The following ZNF248 variants were observed in gnomAD, a reference collection of about 807,000 sequenced individuals.
ZNF248 encodes the protein KRAB protein domain.
A neutral mutation model predicts 44.3 loss-of-function variants in ZNF248; 20 were observed. The ratio of observed to expected loss-of-function variants is 0.45; its 90% CI spans 0.32 to 0.66. ZNF248 has a LOEUF of 0.66. ZNF248 is among the 30% of genes least tolerant of loss of function. The pLI is 0.04. For synonymous variants in ZNF248, 224 were observed against 229.0 expected, an observed-to-expected ratio of 0.98 and a Z score of 0.20; for missense variants, 654 against 677.0, an observed-to-expected ratio of 0.97 and a Z score of 0.38.
chr10:37,816,257 G>A (rs574117488), intron 6 of ZNF248, among the ~76,000 whole-genome samples: 3 of 152,264 alleles, frequency 2.0e-5, no homozygotes, highest in African/African-American at 4.8e-5. Context: ...TACAATAGCC[G>A]CTCACCTCTG....
intron 6 of ZNF248, among the ~76,000 whole-genome samples, chr10:37,809,656 A>G (rs1355433023): frequency 6.6e-6 from 1 of 152,162 alleles, no homozygotes; most frequent in East Asian, 1.9e-4. Context: ...TTTAAAGGTA[A>G]GCACCTATAG....
chr10:37,832,911 T>C lies in ZNF248; in HGVS notation c.444A>G (p.Lys148=), dbSNP rs1266189558. ...KICDSCEMNL[K]NISGLIISKK... is the part of the protein sequence containing the mutation. Reference sequence around the variant, plus strand: ...TACTAATAATTAAGCCCGAAATATTTTTCAAATTCATTTCACATGAGTCAC... The same window carrying C: ...TACTAATAATTAAGCCCGAAATATTCTTCAAATTCATTTCACATGAGTCAC... Residue 148 remains lysine (K), a synonymous_variant, in exon 6 of 6, where the codon AAA becomes AAG. Transcript: ENST00000395867. 1.2e-6 allele frequency: 2 copies of C among 1,613,238 alleles called. No individual in the cohort carries two copies. The highest frequency in any genetic ancestry group is 4.5e-5 in the East Asian group (2 of 44,848).
At chr10:37,775,140 C>T (rs758459940), downstream of ZNF248, among the ~76,000 whole-genome samples, 2 of 152,086 alleles carry the variant, frequency 1.3e-5, no homozygotes, top group Admixed American at 1.3e-4. Context: ...TAAGTCTGCA[C>T]GTTACTAATA....
intron 3 of ZNF248, among the ~76,000 whole-genome samples, chr10:37,846,476 T>C (rs903682825): frequency 1.6e-4 from 24 of 152,000 alleles, no homozygotes; most frequent in African/African-American, 4.6e-4. Context: ...ACCCTGTCTC[T>C]ACAAAAAAAA....
chr10:37,804,101 C>CTTTTTTTTTTTTTTTT (rs59261731), intron 6 of ZNF248, among the ~76,000 whole-genome samples: 1 of 124,928 alleles, frequency 8.0e-6, no homozygotes, highest in African/African-American at 3.0e-5. Context: ...TTTTCTTTTT[C>CTTTTTTTTTTTTTTTT]TTTTTTTTTT....
chr10:37,779,314 C>G (rs1479734587), intron 6 of ZNF248, among the ~76,000 whole-genome samples: 2 of 152,192 alleles, frequency 1.3e-5, no homozygotes, highest in Admixed American at 6.5e-5. Flanking sequence ...AGCTTATCCA[C>G]CATGATCAAG....
In ZNF248 at chr10:37,802,597, C is replaced by T. The variant is rs1252946630; in HGVS notation, c.331-26022G>A. 3.9e-5 allele frequency among the ~76,000 whole-genome samples: 6 copies of T among 152,106 alleles called. 1 individual carries two copies. The highest frequency in any genetic ancestry group is 4.1e-4 in the South Asian group (2 of 4,822). On this transcript the variant is annotated intron_variant, in intron 6 of 6. Coordinates refer to the ZNF248 transcript ENST00000615949. ...ATTACAATACAGAAAAGAAAAACTG[C>T]GCAGTCATTAAAACACTGGAAAAAA... is the stretch of plus-strand genomic sequence containing the variant.
At chr10:37,815,718 T>C (rs1482075321) in intron 6 of ZNF248, among the ~76,000 whole-genome samples, 4 of 152,098 alleles carry the variant, frequency 2.6e-5, no homozygotes, top group African/African-American at 7.2e-5. Context: ...TGTTGAAAAG[T>C]GGACATTTGA....
At chr10:37,856,265 C>CTT (rs1395962908) in intron 3 of ZNF248, 31 bp downstream of exon 3, 1 of 1,607,470 alleles carries the variant, frequency 6.2e-7, no homozygotes, top group Non-Finnish European at 8.5e-7. Flanking sequence ...CATTTTTAAA[C>CTT]AAACTGGGAA....
the ZNF248 span, among the ~76,000 whole-genome samples, chr10:37,769,769 C>T: frequency 6.6e-6 from 1 of 152,082 alleles, no homozygotes; most frequent in Non-Finnish European, 1.5e-5. Flanking sequence ...GAAGTTCTGG[C>T]CAGGGCAATT....
At chr10:37,781,702 T>C (rs1192674513) in intron 6 of ZNF248, among the ~76,000 whole-genome samples, 5 of 152,234 alleles carry the variant, frequency 3.3e-5, no homozygotes, top group Non-Finnish European at 4.4e-5. Flanking sequence ...AAAGGTGTGA[T>C]TGAGGCTTAG....
chr10:37,824,458 G>A (rs1201115554), downstream of ZNF248, among the ~76,000 whole-genome samples: 1 of 152,110 alleles, frequency 6.6e-6, no homozygotes, highest in Non-Finnish European at 1.5e-5. Flanking sequence ...ACATTTCAAA[G>A]TAGAGAGAAA....
chr10:37,780,197 C>T (rs1168534054), intron 6 of ZNF248, among the ~76,000 whole-genome samples: 3 of 151,530 alleles, frequency 2.0e-5, no homozygotes, highest in South Asian at 2.1e-4. Flanking sequence ...AAAAGGAGCC[C>T]GCATCGCCAA....
chr10:37,850,569 T>G (rs925361341), intron 3 of ZNF248, among the ~76,000 whole-genome samples: 1 of 152,194 alleles, frequency 6.6e-6, no homozygotes, highest in Admixed American at 6.5e-5. Context: ...GTCATCAAGA[T>G]AGCGTGGTAT....
the ZNF248 span, among the ~76,000 whole-genome samples, chr10:37,764,798 T>C: frequency 2.6e-5 from 4 of 152,264 alleles, no homozygotes; most frequent in Admixed American, 6.5e-5. Context: ...GGATGTTTAC[T>C]ATATTCTCTA....
chr10:37,814,299 C>T (rs954221090), intron 6 of ZNF248, among the ~76,000 whole-genome samples: 1 of 152,174 alleles, frequency 6.6e-6, no homozygotes, highest in African/African-American at 2.4e-5. Flanking sequence ...CTGTCCCCAC[C>T]ACTTTTTAAG....
chr10:37,780,453 G>A (rs1012669340), intron 6 of ZNF248, among the ~76,000 whole-genome samples: 1 of 152,172 alleles, frequency 6.6e-6, no homozygotes, highest in Non-Finnish European at 1.5e-5. Context: ...TTGGAAAACT[G>A]GCTAGCCATA....
At chr10:37,769,635 A>G in the ZNF248 span, among the ~76,000 whole-genome samples, 1 of 152,176 alleles carries the variant, frequency 6.6e-6, no homozygotes, top group African/African-American at 2.4e-5. Flanking sequence ...AAATAATAAG[A>G]GCTATCTATG....
chr10:37,805,461 A>G (rs888471836), intron 6 of ZNF248, among the ~76,000 whole-genome samples: 1 of 152,212 alleles, frequency 6.6e-6, no homozygotes, highest in Non-Finnish European at 1.5e-5. Context: ...ACTAACTTAC[A>G]TAATTAGGGA....
Sources: gnomAD v4.1 joint callset for allele counts (sites outside exome capture counted in the v4.1 genomes callset) on GRCh38, gnomAD v4.1.1 for gene constraint, MANE v1.5 for transcripts, NCBI Gene and HGNC (gene_info 2026-07-23, HGNC 2026-07-21) for gene names.